AMPH: variants seen among roughly 807,000 people sequenced by gnomAD.
The protein encoded by AMPH is amphiphysin.
AMPH carries 49 observed loss-of-function variants against 99.1 expected under a neutral mutation model. The ratio of observed to expected loss-of-function variants is 0.49; its 90% CI spans 0.39 to 0.63. The LOEUF (loss-of-function observed/expected upper bound fraction) is 0.63. AMPH is among the 20% of genes least tolerant of loss of function. AMPH has a pLI of 0.00. For missense variants in AMPH, 759 were observed against 863.4 expected (o/e 0.88, Z 1.52); for synonymous variants, 314 against 317.3 (o/e 0.99, Z 0.11).
intron 1 of AMPH, among the ~76,000 whole-genome samples, chr7:38,618,556 C>CATATATAT (rs1793952534): frequency 1.3e-5 from 2 of 151,436 alleles, no homozygotes; most frequent in Non-Finnish European, 2.9e-5. Flanking sequence ...ATCTTGTTGA[C>CATATATAT]GAACATAAAA....
chr7:38,557,220 C>T (rs4427072), intron 1 of AMPH, among the ~76,000 whole-genome samples: 47,075 of 152,080 alleles, frequency 0.31, 8,571 homozygotes, highest in Non-Finnish European at 0.41. Context: ...TTAAACTACA[C>T]GTGATTACAT....
intron 20 of AMPH, among the ~76,000 whole-genome samples, chr7:38,389,361 G>T (rs1282753874): frequency 6.6e-6 from 1 of 152,162 alleles, no homozygotes; most frequent in Non-Finnish European, 1.5e-5. Context: ...GGTATATATA[G>T]TTCAATGAGT....
At chr7:38,403,445 C>T (rs1471555516) in intron 17 of AMPH, among the ~76,000 whole-genome samples, 3 of 152,220 alleles carry the variant, frequency 2.0e-5, no homozygotes, top group South Asian at 2.1e-4. Flanking sequence ...CAGGTGCACT[C>T]GGACTCCCCG....
Position 38,509,258 on chromosome 7 carries a change from G to A in AMPH, c.151-5554C>T, listed in dbSNP as rs532927212. Among the ~76,000 whole-genome samples the A allele has an allele frequency of 5.3e-5, 8 of 152,280 alleles. No individual in the cohort carries two copies. The South Asian group carries it at 1.7e-3, about 32-fold the overall frequency. The stretch of plus-strand genomic sequence containing the variant: ...ATATTTGCAGTCATATTCCTGGGAT[G>A]ATGAGGCAGGGAGTGCATGGAAGGA... On this transcript the variant is annotated intron_variant, in intron 2 of 20. Coordinates refer to ENST00000356264, the MANE Select transcript of AMPH (RefSeq NM_001635.4).
At chr7:38,571,056 T>A (rs1347634470) in intron 1 of AMPH, among the ~76,000 whole-genome samples, 1 of 44,446 alleles carries the variant, frequency 2.2e-5, no homozygotes, top group Non-Finnish European at 4.3e-5. Flanking sequence ...TATATATTCA[T>A]ATATTGAATA....
intron 7 of AMPH, among the ~76,000 whole-genome samples, chr7:38,471,309 C>T (rs1277766831): frequency 1.3e-5 from 2 of 152,270 alleles, no homozygotes; most frequent in East Asian, 1.9e-4. Flanking sequence ...ACTTATTTTA[C>T]AAGATTTACC....
intron 2 of AMPH, among the ~76,000 whole-genome samples, chr7:38,534,239 C>G (rs1008089225): frequency 6.6e-6 from 1 of 151,836 alleles, no homozygotes; most frequent in Non-Finnish European, 1.5e-5. Context: ...TAGTATAATC[C>G]CTGTTGCGAA....
At chr7:38,566,943 C>T (rs11984089) in intron 1 of AMPH, among the ~76,000 whole-genome samples, 2 of 152,172 alleles carry the variant, frequency 1.3e-5, no homozygotes, top group South Asian at 2.1e-4. Context: ...TGTTGGTGGG[C>T]GTGTAAATTA....
At chr7:38,492,927 A>C (rs1788781842) in intron 4 of AMPH, among the ~76,000 whole-genome samples, 1 of 152,216 alleles carries the variant, frequency 6.6e-6, no homozygotes. Flanking sequence ...ATGTTGAAAT[A>C]CTGTGTTTTA....
intron 11 of AMPH, among the ~76,000 whole-genome samples, chr7:38,442,675 T>C (rs1434281987): frequency 1.3e-5 from 2 of 152,044 alleles, no homozygotes; most frequent in Non-Finnish European, 2.9e-5. Flanking sequence ...TATATCAAAA[T>C]GTATGGGATG....
intron 11 of AMPH, among the ~76,000 whole-genome samples, chr7:38,444,994 TA>T (rs1366350417): frequency 3.0e-4 from 1 of 3,336 alleles, no homozygotes; most frequent in African/African-American, 5.3e-4. Flanking sequence ...TATATACATA[TA>T]TATATATATA....
At chr7:38,564,735 A>G (rs558940092) in intron 1 of AMPH, among the ~76,000 whole-genome samples, 9 of 152,362 alleles carry the variant, frequency 5.9e-5, no homozygotes, top group African/African-American at 2.2e-4. Context: ...GTTCTCAGGC[A>G]TCCTTCTGAA....
chr7:38,521,939 C>T (rs1789980144), intron 2 of AMPH, among the ~76,000 whole-genome samples: 2 of 152,144 alleles, frequency 1.3e-5, no homozygotes, highest in Non-Finnish European at 2.9e-5. Context: ...AGATTTCCCT[C>T]AGTGGAACAG....
At chr7:38,507,256 C>T (rs1167610009) in intron 2 of AMPH, among the ~76,000 whole-genome samples, 1 of 151,904 alleles carries the variant, frequency 6.6e-6, no homozygotes, top group Non-Finnish European at 1.5e-5. Context: ...AAGAGTGGAA[C>T]AAAGTTCAAA....
chr7:38,604,979 AT>A (rs1160048282), intron 1 of AMPH, among the ~76,000 whole-genome samples: 17 of 152,206 alleles, frequency 1.1e-4, no homozygotes, highest in Admixed American at 9.2e-4. Flanking sequence ...TTAACAGGTG[AT>A]TCATTTGGAA....
At chr7:38,434,957 A>C (rs938406478) in intron 12 of AMPH, among the ~76,000 whole-genome samples, 2 of 152,248 alleles carry the variant, frequency 1.3e-5, no homozygotes, top group African/African-American at 2.4e-5. Context: ...ATTCCAATGA[A>C]TATTAAGAAA....
chr7:38,424,541 GA>G (rs1785712509), intron 15 of AMPH, among the ~76,000 whole-genome samples: 1 of 151,114 alleles, frequency 6.6e-6, no homozygotes, highest in Admixed American at 6.6e-5. Flanking sequence ...AGAAAGTAGA[GA>G]AAGACAACAG....
chr7:38,585,430 G>A (rs1484523735), intron 1 of AMPH, among the ~76,000 whole-genome samples: 1 of 152,144 alleles, frequency 6.6e-6, no homozygotes, highest in Non-Finnish European at 1.5e-5. Flanking sequence ...GCTAACTAGG[G>A]CACTCACAGG....
At position 38,613,953 on chromosome 7, in the gene AMPH, A is replaced by G. The variant is rs374376436; in HGVS notation, c.69+17330T>C. Among the ~76,000 whole-genome samples the G allele has an allele frequency of 5.3e-5, 8 of 152,234 alleles. No individual in the cohort carries two copies. The East Asian group carries it at 1.2e-3, about 22-fold the overall frequency. On this transcript the variant is annotated intron_variant, in intron 1 of 20. Coordinates refer to ENST00000356264, the MANE Select transcript of AMPH (RefSeq NM_001635.4). ...CATGCTCATATTCCTGCTGTACTCA[A>G]CATGTGACATGGCAGGAGTCCACCC... is the stretch of plus-strand genomic sequence containing the variant.
Sources: gnomAD v4.1 joint callset for allele counts (sites outside exome capture counted in the v4.1 genomes callset) on GRCh38, gnomAD v4.1.1 for gene constraint, MANE v1.5 for transcripts, NCBI Gene and HGNC (gene_info 2026-07-23, HGNC 2026-07-21) for gene names.